PPFIBP2: variants seen among roughly 807,000 people sequenced by gnomAD.
The protein encoded by PPFIBP2 is liprin-beta-2.
Under a neutral mutation model 118.3 loss-of-function variants are expected in PPFIBP2, and 118 were observed. That is an observed-to-expected ratio of 1.00 (90% CI 0.86 to 1.16). The LOEUF (loss-of-function observed/expected upper bound fraction) is 1.16, where lower values mean the gene tolerates loss of function less well. PPFIBP2 is among the 50% of genes most tolerant of loss of function. The pLI is 0.00. For synonymous variants in PPFIBP2, 414 were observed against 397.4 expected, an observed-to-expected ratio of 1.04 and a Z score of -0.50; for missense variants, 1,195 against 1,073.1, an observed-to-expected ratio of 1.11 and a Z score of -1.59.
intron 2 of PPFIBP2, among the ~76,000 whole-genome samples, chr11:7,562,741 C>G (rs1345533061): frequency 1.3e-5 from 2 of 151,836 alleles, no homozygotes; most frequent in Admixed American, 1.3e-4. Context: ...TGCCCTGTAA[C>G]CTTATCTGAT....
intron 1 of PPFIBP2, among the ~76,000 whole-genome samples, chr11:7,544,730 C>A (rs1032851957): frequency 2.1e-5 from 3 of 144,714 alleles, no homozygotes; most frequent in Non-Finnish European, 3.0e-5. Context: ...GCTGAGATTG[C>A]ACCACTGCAC....
chr11:7,515,568 G>A (rs969775870), intron 1 of PPFIBP2, among the ~76,000 whole-genome samples: 7 of 152,218 alleles, frequency 4.6e-5, no homozygotes, highest in Admixed American at 3.9e-4. Context: ...TTGAGGCAGA[G>A]AAGGGTAGAG....
chr11:7,608,875 C>T (rs897759373), intron 5 of PPFIBP2, among the ~76,000 whole-genome samples: 2 of 152,230 alleles, frequency 1.3e-5, no homozygotes, highest in African/African-American at 2.4e-5. Context: ...ATTGGACGCA[C>T]TCATCTGGCT....
intron 1 of PPFIBP2, among the ~76,000 whole-genome samples, chr11:7,546,417 T>C (rs1434101467): frequency 6.6e-6 from 1 of 152,246 alleles, no homozygotes; most frequent in Non-Finnish European, 1.5e-5. Context: ...CCCAGCTTGC[T>C]GTTTGCCAAG....
chr11:7,542,217 G>A (rs1851863352), intron 1 of PPFIBP2, among the ~76,000 whole-genome samples: 1 of 150,800 alleles, frequency 6.6e-6, no homozygotes, highest in Non-Finnish European at 1.5e-5. Context: ...ATCTGTAACA[G>A]GGGGAGAATA....
downstream of PPFIBP2, among the ~76,000 whole-genome samples, chr11:7,656,535 C>A (rs1373445216): frequency 1.3e-5 from 2 of 152,174 alleles, no homozygotes; most frequent in East Asian, 3.8e-4. Context: ...CTAAGATGAA[C>A]AATTTATTTT....
intron 6 of PPFIBP2, among the ~76,000 whole-genome samples, chr11:7,612,512 G>A (rs1476707752): frequency 6.6e-6 from 1 of 152,238 alleles, no homozygotes; most frequent in Non-Finnish European, 1.5e-5. Context: ...AGAAAGGAAG[G>A]AGAGCTCCCA....
rs115249242 is a variant in PPFIBP2 at position 7,627,243 on chromosome 11, A to G, written c.827-1042A>G. Among the ~76,000 whole-genome samples, 1,127 of 152,276 alleles carry G rather than the reference A, an allele frequency of 7.4e-3. 12 individuals carry two copies. The highest frequency in any genetic ancestry group is 0.026 in the African/African-American group (1,071 of 41,530). On this transcript the variant is annotated intron_variant, in intron 8 of 23. Coordinates refer to ENST00000299492, the MANE Select transcript of PPFIBP2 (RefSeq NM_003621.5). Reference sequence around the variant, plus strand: ...GGATCAGGGTTGGCAGTCTTCATCTAGAGCTTACTGCCCTCCCCAGCAAAG... The same window carrying G: ...GGATCAGGGTTGGCAGTCTTCATCTGGAGCTTACTGCCCTCCCCAGCAAAG...
In PPFIBP2 at chr11:7,549,081, G is replaced by A. The variant is rs139999155; in HGVS notation, c.-36-359G>A. The stretch of plus-strand genomic sequence containing the variant: ...TGACAGTGTCCCTGTTAGGTGTGCT[G>A]CTCTCCTACGCCACTTAGTGGCGCC... On this transcript the variant is annotated intron_variant, in intron 1 of 23. Transcript: ENST00000299492. 5.2e-3 allele frequency among the ~76,000 whole-genome samples: 792 copies of A among 152,318 alleles called. 6 individuals carry two copies. The highest frequency in any genetic ancestry group is 0.031 in the Middle Eastern group (9 of 294).
chr11:7,642,500 G>A, intron 17 of PPFIBP2, 74 bp downstream of exon 17: 1 of 1,484,234 alleles, frequency 6.7e-7, no homozygotes, highest in Non-Finnish European at 9.1e-7. Context: ...CTGCATGGGT[G>A]AATCTTTACT....
chr11:7,597,679 G>A lies in PPFIBP2; in HGVS notation c.486+6G>A. Reference sequence around the variant, plus strand: ...CTGAAGAGATGCTTCAACAGGTAAGGGCGGGTGCACTGAAGGCCCTTGGGT... The same window carrying A: ...CTGAAGAGATGCTTCAACAGGTAAGAGCGGGTGCACTGAAGGCCCTTGGGT... On this transcript the variant is annotated splice_donor_region_variant and intron_variant, in intron 5 of 23. Transcript: ENST00000299492. The A allele has an allele frequency of 1.2e-6, 2 of 1,612,162 alleles. No individual in the cohort carries two copies. Among genetic ancestry groups the A allele is most frequent in the South Asian group, 1.1e-5 (1 of 90,880 alleles).
At chr11:7,514,969 T>C (rs1590072712) in intron 1 of PPFIBP2, among the ~76,000 whole-genome samples, 1 of 152,226 alleles carries the variant, frequency 6.6e-6, no homozygotes, top group East Asian at 1.9e-4. Context: ...TCTCAACCCC[T>C]CCTTAATTGA....
chr11:7,615,349 A>T (rs1008301064), intron 6 of PPFIBP2, among the ~76,000 whole-genome samples: 15 of 152,072 alleles, frequency 9.9e-5, no homozygotes, highest in Admixed American at 5.9e-4. Flanking sequence ...AAAAAAAAAA[A>T]AAAAGAATTA....
intron 4 of PPFIBP2, among the ~76,000 whole-genome samples, chr11:7,596,844 T>C (rs913468951): frequency 1.3e-5 from 2 of 152,256 alleles, no homozygotes; most frequent in Non-Finnish European, 2.9e-5. Flanking sequence ...TGTTAATATA[T>C]AGTTAGTGCA....
intron 4 of PPFIBP2, chr11:7,597,116 TCA>T: frequency 7.2e-7 from 1 of 1,392,700 alleles, no homozygotes; most frequent in South Asian, 1.5e-5. Context: ...TGAGCAGTCC[TCA>T]CACCCTTATG....
chr11:7,658,225 C>T (rs887752009), downstream of PPFIBP2, among the ~76,000 whole-genome samples: 3 of 150,092 alleles, frequency 2.0e-5, no homozygotes, highest in African/African-American at 7.4e-5. Context: ...ATACATGTGC[C>T]ATGCTGGTGC....
intron 1 of PPFIBP2, among the ~76,000 whole-genome samples, chr11:7,537,601 C>T (rs896161688): frequency 6.6e-6 from 1 of 152,234 alleles, no homozygotes; most frequent in South Asian, 2.1e-4. Flanking sequence ...CCCACTCTTT[C>T]TGAGCGGTTC....
At chr11:7,655,111 G>A (rs1332530061), downstream of PPFIBP2, among the ~76,000 whole-genome samples, 1 of 152,206 alleles carries the variant, frequency 6.6e-6, no homozygotes, top group East Asian at 1.9e-4. Flanking sequence ...CCTGGAAATA[G>A]CTGGAACATT....
At chr11:7,602,289 A>AGAATTGT (rs1163631912) in intron 5 of PPFIBP2, among the ~76,000 whole-genome samples, 1 of 152,190 alleles carries the variant, frequency 6.6e-6, no homozygotes, top group Non-Finnish European at 1.5e-5. Flanking sequence ...GCCAGGGCCC[A>AGAATTGT]GAATTGTACA....
Sources: allele counts gnomAD v4.1 joint callset (sites outside exome capture counted in the v4.1 genomes callset), GRCh38; gene constraint gnomAD v4.1.1; transcripts MANE v1.5; gene names NCBI Gene and HGNC (gene_info 2026-07-23, HGNC 2026-07-21).